RALGAPA2: variants seen among roughly 807,000 people sequenced by gnomAD.
The protein encoded by RALGAPA2 is Ral GTPase activating protein catalytic subunit alpha 2, also known as ral GTPase-activating protein subunit alpha-2.
A neutral mutation model predicts 230.4 loss-of-function variants in RALGAPA2; 139 were observed. That is an observed-to-expected ratio of 0.60 (90% confidence interval 0.53 to 0.69). RALGAPA2 has a LOEUF of 0.69. RALGAPA2 is among the 30% of genes least tolerant of loss of function. The pLI is 0.00. For missense variants in RALGAPA2, 2,163 were observed against 2,276.0 expected (o/e 0.95, Z 1.01); for synonymous variants, 847 against 837.8 (o/e 1.01, Z -0.19).
intron 23 of RALGAPA2, among the ~76,000 whole-genome samples, chr20:20,560,344 C>G (rs1276354284): frequency 6.6e-6 from 1 of 152,174 alleles, no homozygotes; most frequent in Non-Finnish European, 1.5e-5. Context: ...CCACAATTAC[C>G]TACCAAAGGA....
intron 37 of RALGAPA2, among the ~76,000 whole-genome samples, chr20:20,433,011 C>G (rs17717892): frequency 0.033 from 5,040 of 152,326 alleles, 117 homozygotes; most frequent in Non-Finnish European, 0.05. Context: ...TCTCCCCATT[C>G]TAAAGAGCCT....
chr20:20,467,532 C>T (rs1055797609), intron 37 of RALGAPA2, among the ~76,000 whole-genome samples: 18 of 151,972 alleles, frequency 1.2e-4, no homozygotes, highest in African/African-American at 3.4e-4. Context: ...ATACACGTGG[C>T]CCTGCAGTCT....
chr20:20,512,753 T>C lies in RALGAPA2; in HGVS notation c.4616A>G (p.Gln1539Arg), dbSNP rs553334757. The C allele has an allele frequency of 7.4e-6, 12 of 1,613,900 alleles. No homozygotes were observed. In the South Asian group the frequency reaches 8.8e-5, roughly 12 times the overall value. Reference sequence around the variant, plus strand: ...TAGGGAAGGTTCATTTAGATTTAGCTGTGACGGTAAAAGGCATTCAGGACT... The same window carrying C: ...TAGGGAAGGTTCATTTAGATTTAGCCGTGACGGTAAAAGGCATTCAGGACT... The part of the protein sequence containing the change: ...HTSPECLLPS[Q>R]LNLNEPSLTP... The change falls in exon 32 of 40, where the codon CAG (glutamine) becomes CGG (arginine). Residue 1539 changes from glutamine (Q) to arginine (R), a missense_variant. Physicochemically the swap from Gln to Arg is conservative, Grantham distance 43. Coordinates refer to ENST00000202677, the MANE Select transcript of RALGAPA2 (RefSeq NM_020343.4).
chr20:20,589,146 C>T (rs1355704599), intron 18 of RALGAPA2, 122 bp downstream of exon 18: 10 of 1,330,518 alleles, frequency 7.5e-6, no homozygotes, highest in Admixed American at 3.0e-5. Context: ...TCATTTGGGC[C>T]TATAAACTGT....
rs76187218 is a variant in RALGAPA2 at position 20,703,923 on chromosome 20, T to C, written c.106+8452A>G. On this transcript the variant is annotated intron_variant, in intron 1 of 39. Coordinates refer to ENST00000202677, the MANE Select transcript of RALGAPA2 (RefSeq NM_020343.4). ...ATTCTATATAGATTTTCCGCCTTCTTGATGAATATTTAACATAAACGTTAA... is the reference window on the plus strand; with the variant it reads ...ATTCTATATAGATTTTCCGCCTTCTCGATGAATATTTAACATAAACGTTAA... Among the ~76,000 whole-genome samples, 1,300 of 152,314 alleles carry C rather than the reference T, an allele frequency of 8.5e-3. 17 individuals carry two copies. Among genetic ancestry groups the C allele is most frequent in the African/African-American group, 0.03 (1,235 of 41,566 alleles).
intron 2 of RALGAPA2, among the ~76,000 whole-genome samples, chr20:20,678,036 G>A (rs774507960): frequency 6.6e-6 from 1 of 152,086 alleles, no homozygotes; most frequent in South Asian, 2.1e-4. Context: ...GACCATTTCT[G>A]CAGCTAATGC....
At chr20:20,609,627 C>T (rs1348768020) in intron 14 of RALGAPA2, among the ~76,000 whole-genome samples, 1 of 152,166 alleles carries the variant, frequency 6.6e-6, no homozygotes, top group Non-Finnish European at 1.5e-5. Flanking sequence ...AAAACAGATG[C>T]AGAGCCAGGC....
intron 39 of RALGAPA2, among the ~76,000 whole-genome samples, chr20:20,394,347 G>A (rs1231946757): frequency 6.6e-6 from 1 of 152,096 alleles, no homozygotes; most frequent in Non-Finnish European, 1.5e-5. Flanking sequence ...GCTCAGTCAG[G>A]TCGGGCATAC....
chr20:20,434,380 G>T (rs999218438), intron 37 of RALGAPA2, among the ~76,000 whole-genome samples: 4 of 152,084 alleles, frequency 2.6e-5, no homozygotes, highest in Admixed American at 2.6e-4. Flanking sequence ...AGATGGAAAA[G>T]GTTGTAAAAA....
In RALGAPA2 at chr20:20,605,259, C is replaced by T; in HGVS notation, c.1954G>A (p.Ala652Thr). ...NIMDSLTAVL[A>T]RTVYGVEMTN... ...ATCTCAACTCCATAAACGGTTCTTGCAAGCACTGCTGTCAAGGAGTCCATA... is the reference window on the plus strand; with the variant it reads ...ATCTCAACTCCATAAACGGTTCTTGTAAGCACTGCTGTCAAGGAGTCCATA... Residue 652 changes from alanine (A) to threonine (T), a missense_variant, in exon 15 of 40, where the codon GCA becomes ACA. Coordinates refer to ENST00000202677, the MANE Select transcript of RALGAPA2 (RefSeq NM_020343.4). 1 of 1,613,886 alleles carries T rather than the reference C, an allele frequency of 6.2e-7. No individual in the cohort carries two copies. Among genetic ancestry groups the T allele is most frequent in the East Asian group, 2.2e-5 (1 of 44,860 alleles).
intron 36 of RALGAPA2, among the ~76,000 whole-genome samples, chr20:20,479,065 C>T (rs994334365): frequency 6.6e-6 from 1 of 151,734 alleles, no homozygotes; most frequent in Admixed American, 6.6e-5. Context: ...AAAAAAAATA[C>T]AATTTAGCAA....
intron 6 of RALGAPA2, 149 bp downstream of exon 6, chr20:20,640,552 G>GT (rs1235170867): frequency 1.4e-6 from 1 of 725,874 alleles, no homozygotes; most frequent in African/African-American, 1.8e-5. Context: ...TGATTCTAAG[G>GT]TATGTAAGAA....
chr20:20,417,730 AC>A (rs2060194183), intron 37 of RALGAPA2, among the ~76,000 whole-genome samples: 1 of 152,218 alleles, frequency 6.6e-6, no homozygotes, highest in South Asian at 2.1e-4. Flanking sequence ...TTATTCTCTT[AC>A]GTCACTCATA....
chr20:20,602,846 A>G lies in RALGAPA2; in HGVS notation c.2039-1000T>C, dbSNP rs184746973. 7.2e-3 allele frequency among the ~76,000 whole-genome samples: 1,021 copies of G among 142,684 alleles called. 7 individuals are homozygous for G. Among genetic ancestry groups the G allele is most frequent in the Middle Eastern group, 0.025 (7 of 284 alleles). 93.6% of individuals were successfully genotyped at this position (142,684 alleles called of 152,430 possible). On this transcript the variant is annotated intron_variant, in intron 15 of 39. Coordinates refer to ENST00000202677, the MANE Select transcript of RALGAPA2 (RefSeq NM_020343.4). ...TGTGTGTGTGTGTGTGTGTGTGTGT[A>G]GTGTATGCACACATGTGCACTCGTG...
intron 38 of RALGAPA2, among the ~76,000 whole-genome samples, chr20:20,404,192 A>C (rs2059903339): frequency 6.6e-6 from 1 of 152,206 alleles, no homozygotes; most frequent in South Asian, 2.1e-4. Context: ...GAATTTGGCC[A>C]CATCAATGCT....
intron 23 of RALGAPA2, among the ~76,000 whole-genome samples, chr20:20,563,383 G>A (rs1421396482): frequency 2.0e-5 from 3 of 152,138 alleles, no homozygotes; most frequent in African/African-American, 7.2e-5. Context: ...CAATTACAGA[G>A]CCCTTTAGAT....
intron 31 of RALGAPA2, 43 bp downstream of exon 31, chr20:20,520,874 C>T: frequency 6.9e-7 from 1 of 1,456,940 alleles, no homozygotes; most frequent in Non-Finnish European, 9.3e-7. Flanking sequence ...CTAAATCCTT[C>T]CTTTTCCTTC....
At chr20:20,680,939 T>C (rs1269461605) in intron 1 of RALGAPA2, 138 bp from the exon 2 acceptor site, 1 of 1,382,330 alleles carries the variant, frequency 7.2e-7, no homozygotes, top group Non-Finnish European at 9.5e-7. Context: ...ACAGTATTCC[T>C]GTTTGTTTAT....
intron 21 of RALGAPA2, among the ~76,000 whole-genome samples, 193 bp from the exon 22 acceptor site, chr20:20,572,139 T>C (rs190889228): frequency 3.3e-5 from 5 of 152,350 alleles, no homozygotes; most frequent in African/African-American, 1.2e-4. Context: ...TATGTGGTTT[T>C]AGATTTATAT....
Sources: gnomAD v4.1 joint callset for allele counts (sites outside exome capture counted in the v4.1 genomes callset) on GRCh38, gnomAD v4.1.1 for gene constraint, MANE v1.5 for transcripts, NCBI Gene and HGNC (gene_info 2026-07-23, HGNC 2026-07-21) for gene names.